The following MACROD2 variants were observed in gnomAD, a reference collection of about 807,000 sequenced individuals.
The protein encoded by MACROD2 is ADP-ribose glycohydrolase MACROD2.
MACROD2 carries 36 observed loss-of-function variants against 70.4 expected under a neutral mutation model. The observed-to-expected ratio is 0.51, with a 90% CI of 0.39 to 0.68. The LOEUF (loss-of-function observed/expected upper bound fraction) is 0.68, where lower values mean the gene tolerates loss of function less well. MACROD2 is among the 30% of genes least tolerant of loss of function. The probability of loss-of-function intolerance (pLI) is 0.00; values close to 1 mark genes in which losing one functional copy is unlikely to be tolerated. For synonymous variants in MACROD2, 172 were observed against 178.8 expected, an observed-to-expected ratio of 0.96 and a Z score of 0.30; for missense variants, 496 against 538.4, an observed-to-expected ratio of 0.92 and a Z score of 0.78.
At chr20:14,554,257 T>G (rs141651786) in intron 4 of MACROD2, 85 of 152,272 alleles carry the variant, frequency 5.6e-4, no homozygotes, top group African/African-American at 1.9e-3. Flanking sequence ...TCTCTGTCGT[T>G]AAATGAGGTC....
intron 7 of MACROD2, among the ~76,000 whole-genome samples, chr20:15,472,986 C>G (rs2046980061): frequency 6.6e-6 from 1 of 152,164 alleles, no homozygotes; most frequent in South Asian, 2.1e-4. Flanking sequence ...CCCCTAAACT[C>G]CTAAAACATC....
In MACROD2 at chr20:16,011,135, G is replaced by A. The variant is rs188332962; in HGVS notation, c.1153+23977G>A. Reference sequence around the variant, plus strand: ...TGTCATAGATGGCTTTGTGAGCTGGGAATCTGAAGAAGCATGTTCTAATCG... The same window carrying A: ...TGTCATAGATGGCTTTGTGAGCTGGAAATCTGAAGAAGCATGTTCTAATCG... On this transcript the variant is annotated intron_variant, in intron 15 of 17. Transcript: ENST00000684519. 2.0e-5 allele frequency among the ~76,000 whole-genome samples: 3 copies of A among 152,272 alleles called. No individual in the cohort carries two copies. The East Asian group carries it at 5.8e-4, about 29-fold the overall frequency.
intron 5 of MACROD2, among the ~76,000 whole-genome samples, chr20:15,195,066 C>T (rs994837356): frequency 6.6e-6 from 1 of 152,106 alleles, no homozygotes; most frequent in Non-Finnish European, 1.5e-5. Context: ...TTCTTTACAT[C>T]TTATACAAAA....
chr20:15,355,800 T>C (rs1271461488), intron 6 of MACROD2, among the ~76,000 whole-genome samples: 3 of 152,182 alleles, frequency 2.0e-5, no homozygotes, highest in Admixed American at 2.0e-4. Flanking sequence ...ACAAATACCA[T>C]TTATATTCTC....
At chr20:14,579,228 G>A (rs989204866) in intron 4 of MACROD2, among the ~76,000 whole-genome samples, 1 of 135,154 alleles carries the variant, frequency 7.4e-6, no homozygotes, top group Admixed American at 8.5e-5. Context: ...TGCAAGCTCC[G>A]CTTCCCGGGT....
At chr20:14,754,257 C>T (rs1369145068) in intron 5 of MACROD2, among the ~76,000 whole-genome samples, 2 of 152,048 alleles carry the variant, frequency 1.3e-5, no homozygotes, top group Non-Finnish European at 2.9e-5. Flanking sequence ...GTTGTTATTG[C>T]TTTATTTAAA....
intron 6 of MACROD2, among the ~76,000 whole-genome samples, chr20:15,232,326 G>C (rs961684496): frequency 6.6e-6 from 1 of 151,940 alleles, no homozygotes; most frequent in East Asian, 1.9e-4. Flanking sequence ...CTGGTTATTA[G>C]GATGAAAAAT....
chr20:13,999,321 C>T (rs2052702700), intron 1 of MACROD2, among the ~76,000 whole-genome samples: 1 of 152,136 alleles, frequency 6.6e-6, no homozygotes, highest in Non-Finnish European at 1.5e-5. Flanking sequence ...CCTTCTTTTG[C>T]TCAGTCCTTC....
At chr20:14,966,619 G>A (rs760954546) in intron 5 of MACROD2, among the ~76,000 whole-genome samples, 14 of 152,184 alleles carry the variant, frequency 9.2e-5, no homozygotes, top group East Asian at 5.8e-4. Flanking sequence ...CTCTCTTCCC[G>A]TACAAAGCAG....
intron 4 of MACROD2, among the ~76,000 whole-genome samples, chr20:14,670,724 GT>G (rs1600521348): frequency 1.3e-5 from 2 of 152,096 alleles, no homozygotes; most frequent in Admixed American, 1.3e-4. Flanking sequence ...GAAAACAACT[GT>G]TTTCTCTCAT....
intron 3 of MACROD2, among the ~76,000 whole-genome samples, chr20:14,383,427 T>C (rs1463281048): frequency 1.3e-5 from 2 of 152,136 alleles, no homozygotes; most frequent in South Asian, 2.1e-4. Flanking sequence ...AAAATGATAA[T>C]GTAGAGTTTG....
chr20:14,597,291 C>T (rs868180720), intron 4 of MACROD2, among the ~76,000 whole-genome samples: 1 of 152,070 alleles, frequency 6.6e-6, no homozygotes, highest in African/African-American at 2.4e-5. Context: ...TTGTTTGAAA[C>T]CAAATACATC....
intron 3 of MACROD2, among the ~76,000 whole-genome samples, chr20:14,142,228 G>A (rs981584290): frequency 2.0e-5 from 3 of 152,108 alleles, no homozygotes; most frequent in Non-Finnish European, 4.4e-5. Flanking sequence ...GTGTTAGGTG[G>A]TGGCCTTGGT....
intron 6 of MACROD2, among the ~76,000 whole-genome samples, chr20:15,283,768 C>T (rs1272254532): frequency 6.6e-6 from 1 of 152,150 alleles, no homozygotes; most frequent in Non-Finnish European, 1.5e-5. Context: ...CATTGCTTTA[C>T]TTGTTTTTCT....
chr20:14,470,968 G>A (rs914310978), intron 3 of MACROD2, among the ~76,000 whole-genome samples: 1 of 152,170 alleles, frequency 6.6e-6, no homozygotes, highest in African/African-American at 2.4e-5. Context: ...TGCCACTGGG[G>A]TATGTAAAAA....
At chr20:15,315,350 T>C (rs1222392328) in intron 6 of MACROD2, among the ~76,000 whole-genome samples, 1 of 152,122 alleles carries the variant, frequency 6.6e-6, no homozygotes. Flanking sequence ...AGAAGCTCAA[T>C]GAATCCCGAG....
chr20:14,240,813 C>A (rs538386422), intron 3 of MACROD2, among the ~76,000 whole-genome samples: 1 of 152,254 alleles, frequency 6.6e-6, no homozygotes, highest in Admixed American at 6.5e-5. Flanking sequence ...ATATGATAAA[C>A]CTGCACATGT....
intron 3 of MACROD2, among the ~76,000 whole-genome samples, chr20:14,138,704 G>A (rs1316181898): frequency 1.3e-5 from 2 of 151,762 alleles, no homozygotes; most frequent in African/African-American, 4.8e-5. Flanking sequence ...GTATTGTATG[G>A]TGACTGTAGT....
intron 6 of MACROD2, among the ~76,000 whole-genome samples, chr20:15,325,050 G>A (rs2077913276): frequency 6.7e-6 from 1 of 150,090 alleles, no homozygotes; most frequent in African/African-American, 2.4e-5. Flanking sequence ...CTCTTCTGAG[G>A]TAGTAGCAGA....
Sources: allele counts gnomAD v4.1 joint callset (sites outside exome capture counted in the v4.1 genomes callset), GRCh38; gene constraint gnomAD v4.1.1; transcripts MANE v1.5; gene names NCBI Gene and HGNC (gene_info 2026-07-23, HGNC 2026-07-21).